The following DCHS2 variants were observed in gnomAD, a reference collection of about 807,000 sequenced individuals.
The protein encoded by DCHS2 is protocadherin-23.
In DCHS2, 142 loss-of-function variants were observed where a neutral mutation model predicts 182.4. The observed-to-expected ratio is 0.78, with a 90% CI of 0.68 to 0.89. DCHS2 has a LOEUF of 0.89. Ranked by LOEUF, DCHS2 falls within the 40% of genes least tolerant of loss-of-function variation. The probability of loss-of-function intolerance (pLI) is 0.00; values close to 1 mark genes in which losing one functional copy is unlikely to be tolerated. For missense variants in DCHS2, 4,319 were observed against 4,198.6 expected, an observed-to-expected ratio of 1.03 and a Z score of -0.79; for synonymous variants, 1,740 against 1,663.3, an observed-to-expected ratio of 1.05 and a Z score of -1.12.
chr4:154,426,120 G>A (rs912682992), intron 1 of DCHS2, among the ~76,000 whole-genome samples: 2 of 151,956 alleles, frequency 1.3e-5, no homozygotes, highest in East Asian at 1.9e-4. Context: ...ACTCTTCCAG[G>A]GGCTTCAACA....
rs547521773 is a variant in DCHS2, at chr4:154,238,663, G to C, written c.7492+507C>G. Reference sequence around the variant, plus strand: ...TCAAATAAACCAAAACACCACAGTGGTTTCCAGTTGGTAGAGATGCTTAAA... The same window carrying C: ...TCAAATAAACCAAAACACCACAGTGCTTTCCAGTTGGTAGAGATGCTTAAA... On this transcript the variant is annotated intron_variant, in intron 19 of 19. Coordinates refer to ENST00000357232, the MANE Select transcript of DCHS2 (RefSeq NM_001358235.2). Among the ~76,000 whole-genome samples, 173 of 152,268 alleles carry C rather than the reference G, an allele frequency of 1.1e-3. 2 individuals carry two copies. In the South Asian group the frequency reaches 0.014, roughly 12 times the overall value.
chr4:154,471,083 C>G (rs1735446079), intron 1 of DCHS2, among the ~76,000 whole-genome samples: 1 of 152,112 alleles, frequency 6.6e-6, no homozygotes, highest in Non-Finnish European at 1.5e-5. Flanking sequence ...ATTAATTGGC[C>G]CAGAATTTCA....
intron 13 of DCHS2, 113 bp from the exon 14 acceptor site, chr4:154,270,126 G>T: frequency 1.5e-6 from 2 of 1,297,964 alleles, no homozygotes; most frequent in Admixed American, 5.7e-5. Context: ...CTTGTTCATT[G>T]ATTCAACAAT....
chr4:154,406,382 G>A (rs1025379792), intron 1 of DCHS2, among the ~76,000 whole-genome samples: 2 of 152,104 alleles, frequency 1.3e-5, no homozygotes, highest in Admixed American at 6.5e-5. Context: ...AAGTGCCAGG[G>A]CCAACAAAGG....
intron 12 of DCHS2, among the ~76,000 whole-genome samples, chr4:154,299,449 T>C (rs911709678): frequency 5.9e-5 from 9 of 152,018 alleles, no homozygotes; most frequent in Admixed American, 1.3e-4. Context: ...ACCCTGAAAA[T>C]TAGTGAAGAA....
intron 14 of DCHS2, among the ~76,000 whole-genome samples, chr4:154,266,938 G>T (rs1316974740): frequency 6.6e-6 from 1 of 152,102 alleles, no homozygotes; most frequent in Admixed American, 6.6e-5. Flanking sequence ...CCTTCAATAT[G>T]TTCTTCTACT....
chr4:154,302,973 ACACACACATAT>A (rs1735277644), intron 12 of DCHS2, among the ~76,000 whole-genome samples: 1 of 112,452 alleles, frequency 8.9e-6, no homozygotes, highest in African/African-American at 4.9e-5. Flanking sequence ...ACACACCCAC[ACACACACATAT>A]TTTTTTTTTT....
intron 15 of DCHS2, 87 bp downstream of exon 15, chr4:154,259,458 T>C (rs939659217): frequency 2.6e-6 from 4 of 1,541,320 alleles, no homozygotes; most frequent in Non-Finnish European, 3.5e-6. Flanking sequence ...TTATGTACAT[T>C]GACTTGTAAT....
chr4:154,326,426 T>C (rs556724428), intron 7 of DCHS2, among the ~76,000 whole-genome samples: 146 of 152,348 alleles, frequency 9.6e-4, no homozygotes, highest in African/African-American at 3.4e-3. Flanking sequence ...GCATATTTTG[T>C]AGTGTTTTCA....
Position 154,298,693 on chromosome 4 carries a change from T to C in DCHS2, c.5621A>G (p.Glu1874Gly), listed in dbSNP as rs1352500295. 6.4e-7 allele frequency: 1 copy of C among 1,573,360 alleles called. No individual in the cohort carries two copies. The highest frequency in any genetic ancestry group is 1.2e-5 in the South Asian group (1 of 84,446). Reference protein sequence around the residue: ...EYHIIDGNTDECFTINEMSGE... With the variant: ...EYHIIDGNTDGCFTINEMSGE... The stretch of plus-strand genomic sequence containing the variant: ...TGACATCTCATTTATAGTAAAGCAC[T>C]CATCAGTATTTCCATCTATTAAAGA... Residue 1874 changes from glutamate (E) to glycine (G), a missense_variant, in exon 13 of 20, where the codon GAG becomes GGG. Transcript: ENST00000357232.
intron 3 of DCHS2, among the ~76,000 whole-genome samples, chr4:154,349,567 C>T (rs1229266881): frequency 6.6e-6 from 1 of 152,202 alleles, no homozygotes; most frequent in African/African-American, 2.4e-5. Flanking sequence ...CTCCTTACTT[C>T]ATGGGAGGAT....
In DCHS2 at chr4:154,320,665, TTC is replaced by T; in HGVS notation, c.4732_4733del (p.Glu1578LysfsTer13). 2 of 1,614,120 alleles carry T rather than the reference TTC, an allele frequency of 1.2e-6. No individual in the cohort carries two copies. The highest frequency in any genetic ancestry group is 1.7e-6 in the Non-Finnish European group (2 of 1,180,020). On this transcript the variant is annotated frameshift_variant, in exon 9 of 20. Coordinates refer to ENST00000357232, the MANE Select transcript of DCHS2 (RefSeq NM_001358235.2). LOFTEE classifies it high-confidence loss of function. Reference protein sequence around the residue: ...TLVTVSRLDRESIPTVILTVT... With the variant: ...TLVTVSRLDRXSIPTVILTVT... Reference sequence around the variant, plus strand: ...CTGTCAGGATGACAGTTGGAATGCTTTCTCTGTCAAGACGGGACACAGTGACT... The same window carrying T: ...CTGTCAGGATGACAGTTGGAATGCTTTCTGTCAAGACGGGACACAGTGACT...
chr4:154,345,722 A>C (rs1729328339), intron 3 of DCHS2, among the ~76,000 whole-genome samples: 2 of 152,198 alleles, frequency 1.3e-5, no homozygotes, highest in African/African-American at 4.8e-5. Context: ...TGTCTCATTC[A>C]CCACTACCAA....
intron 1 of DCHS2, among the ~76,000 whole-genome samples, chr4:154,381,335 C>G (rs568234661): frequency 6.6e-6 from 1 of 152,060 alleles, no homozygotes; most frequent in South Asian, 2.1e-4. Flanking sequence ...TTAAAATCCC[C>G]CTGATTCCAT....
intron 16 of DCHS2, among the ~76,000 whole-genome samples, chr4:154,252,801 G>T (rs1732444630): frequency 6.6e-6 from 1 of 151,962 alleles, no homozygotes; most frequent in South Asian, 2.1e-4. Flanking sequence ...TCGATATAGT[G>T]ATTTCTTTTT....
chr4:154,251,682 C>CTAA (rs1328228700), intron 16 of DCHS2, among the ~76,000 whole-genome samples: 2 of 152,120 alleles, frequency 1.3e-5, no homozygotes, highest in Non-Finnish European at 2.9e-5. Context: ...CCATGCCTGG[C>CTAA]TAATTTTTGA....
At position 154,467,524 on chromosome 4, in the gene DCHS2, A is replaced by G. The variant is rs148775624; in HGVS notation, c.2052+21780T>C. 5.5e-3 allele frequency among the ~76,000 whole-genome samples: 841 copies of G among 152,302 alleles called. 3 individuals are homozygous for G. Among genetic ancestry groups the G allele is most frequent in the African/African-American group, 0.019 (795 of 41,576 alleles). On this transcript the variant is annotated intron_variant, in intron 1 of 19. Transcript: ENST00000357232. ...ATTGCTAAAATAATGAAAATATTCA[A>G]AAGAAGCATTAGCCAATTCTTGTAA...
chr4:154,236,675 A>G lies in DCHS2; in HGVS notation c.7977T>C (p.Asn2659=). 6.2e-7 allele frequency: 1 copy of G among 1,614,026 alleles called. No homozygotes were observed. Among genetic ancestry groups the G allele is most frequent in the Admixed American group, 1.7e-5 (1 of 60,008 alleles). Residue 2659 remains asparagine (N), a synonymous_variant, in exon 20 of 20, where the codon AAT becomes AAC. Transcript: ENST00000357232. ...AVISIQVLDV[N]DNPPNFSSLS... ...GGCTGCTGAAGTTTGGGGGATTGTC[A>G]TTGACATCAAGTACTTGTATTGATA...
chr4:154,442,047 C>G (rs554585858), intron 1 of DCHS2, among the ~76,000 whole-genome samples: 3 of 152,116 alleles, frequency 2.0e-5, no homozygotes, highest in Non-Finnish European at 4.4e-5. Context: ...ATACCATACT[C>G]ATCCCCTACT....
Sources: allele counts gnomAD v4.1 joint callset (sites outside exome capture counted in the v4.1 genomes callset), GRCh38; gene constraint gnomAD v4.1.1; transcripts MANE v1.5; gene names NCBI Gene and HGNC (gene_info 2026-07-23, HGNC 2026-07-21).